XYLB: variants seen among roughly 807,000 people sequenced by gnomAD.
XYLB encodes the protein xylulokinase, also known as xylulose kinase.
Under a neutral mutation model 78.7 loss-of-function variants are expected in XYLB, and 62 were observed. The observed-to-expected ratio is 0.79, with a 90% confidence interval of 0.64 to 0.97. The LOEUF is 0.97. Among genes scored for constraint, XYLB ranks in the 50% least tolerant of loss-of-function variants. The pLI, the probability that XYLB is intolerant of heterozygous loss-of-function variation, is 0.00. For missense variants in XYLB, 687 were observed against 676.8 expected (o/e 1.02, Z -0.17); for synonymous variants, 245 against 247.4 (o/e 0.99, Z 0.09).
At chr3:38,366,041 G>A (rs565769156) in intron 6 of XYLB, among the ~76,000 whole-genome samples, 4 of 150,610 alleles carry the variant, frequency 2.7e-5, no homozygotes, top group Non-Finnish European at 5.9e-5. Flanking sequence ...CAGGACTTAC[G>A]TTTTGGGTAG....
Position 38,379,317 on chromosome 3 carries a change from C to T in XYLB, c.1266C>T (p.His422=), listed in dbSNP as rs761643272. Residue 422 remains histidine (H), a synonymous_variant, in exon 15 of 19, where the codon CAC becomes CAT. Transcript: ENST00000207870. ...GACAATTCATGGCCAAGAGGATTCA[C>T]GCAGAAGGCCTGGGCTATCGAGTCA... is the stretch of plus-strand genomic sequence containing the variant. The part of the protein sequence containing the change: ...IEGQFMAKRI[H]AEGLGYRVMS... 1.2e-5 allele frequency: 19 copies of T among 1,613,952 alleles called. No individual in the cohort carries two copies. Among genetic ancestry groups the T allele is most frequent in the Non-Finnish European group, 1.5e-5 (18 of 1,180,024 alleles).
Position 38,366,815 on chromosome 3 carries a change from C to T in XYLB, c.515C>T (p.Thr172Ile). The change falls in exon 7 of 19, where the codon ACA becomes ATA. Residue 172 changes from threonine to isoleucine, a missense_variant. Coordinates refer to ENST00000207870, the MANE Select transcript of XYLB (RefSeq NM_005108.4). ...TTTATATTCCTTTTCCAGCGTTTTA[C>T]AGGGAACCAAATTGCAAAAATTTAC... ...LTGSRAYERF[T>I]GNQIAKIYQQ... 2 of 1,612,268 alleles carry T rather than the reference C, an allele frequency of 1.2e-6. No individual in the cohort carries two copies. The highest frequency in any genetic ancestry group is 1.7e-6 in the Non-Finnish European group (2 of 1,178,350).
intron 2 of XYLB, among the ~76,000 whole-genome samples, chr3:38,348,930 T>TG (rs1409347522): frequency 5.3e-5 from 8 of 152,196 alleles, no homozygotes; most frequent in Non-Finnish European, 1.0e-4. Flanking sequence ...CACTGAGTAG[T>TG]GGAGACTGGT....
intron 1 of XYLB, 74 bp downstream of exon 1, chr3:38,346,999 C>T (rs1705098420): frequency 4.6e-6 from 6 of 1,311,094 alleles, no homozygotes; most frequent in African/African-American, 1.5e-5. Context: ...GGCTGTCACC[C>T]GGACGCGGGA....
intron 18 of XYLB, among the ~76,000 whole-genome samples, chr3:38,407,008 A>G (rs1206958506): frequency 1.3e-5 from 2 of 148,358 alleles, no homozygotes; most frequent in Non-Finnish European, 3.0e-5. Flanking sequence ...GCAGGCCAAC[A>G]TTCAGATTCA....
intron 18 of XYLB, among the ~76,000 whole-genome samples, chr3:38,412,346 C>CT (rs2125680735): frequency 6.6e-6 from 1 of 152,286 alleles, no homozygotes; most frequent in South Asian, 2.1e-4. Context: ...AAGAGACCCT[C>CT]TCCTGGACAG....
At chr3:38,367,460 CT>C (rs1269998389) in intron 7 of XYLB, among the ~76,000 whole-genome samples, 1 of 152,202 alleles carries the variant, frequency 6.6e-6, no homozygotes, top group Non-Finnish European at 1.5e-5. Context: ...ACCAAAGCAC[CT>C]TTTTAATCTT....
chr3:38,356,343 G>A (rs558329854), intron 2 of XYLB: 7 of 152,508 alleles, frequency 4.6e-5, no homozygotes, highest in Non-Finnish European at 7.3e-5. Context: ...ACAATTTGAT[G>A]GTTTTAGTAT....
downstream of XYLB, among the ~76,000 whole-genome samples, chr3:38,417,957 CGAGGTGGGTGGATCACCT>C: frequency 6.6e-6 from 1 of 150,770 alleles, no homozygotes; most frequent in South Asian, 2.1e-4. Context: ...TTTAGGAAAC[CGAGGTGGGTGGATCACCT>C]GAGGTCAGGA....
At chr3:38,386,314 A>G (rs970637441) in intron 15 of XYLB, among the ~76,000 whole-genome samples, 1 of 152,044 alleles carries the variant, frequency 6.6e-6, no homozygotes, top group South Asian at 2.1e-4. Flanking sequence ...CTGTTTGCCT[A>G]TTTAATGGCT....
At chr3:38,372,877 T>A (rs542661488) in intron 10 of XYLB, 141 bp downstream of exon 10, 1 of 931,730 alleles carries the variant, frequency 1.1e-6, no homozygotes, top group East Asian at 2.7e-5. Context: ...GTTTGAGAAT[T>A]CCAGTCCAGC....
intron 14 of XYLB, 28 bp downstream of exon 14, chr3:38,377,019 C>T (rs1361363251): frequency 6.3e-7 from 1 of 1,580,834 alleles, no homozygotes; most frequent in Non-Finnish European, 8.7e-7. Context: ...GTTGGAGTTA[C>T]ATTGGCTCCA....
rs1706735703 is a variant in XYLB at position 38,374,381 on chromosome 3, GC to G, written c.848-79del. 2.7e-5 allele frequency: 43 copies of G among 1,601,974 alleles called. 1 individual carries two copies. The South Asian group carries it at 4.0e-4, about 15-fold the overall frequency. ...TGGGGGTTGGAGGTGGGGGCTCTGCGCCTGCCTGGAGAGCCCTGTGGTTTGC... is the reference window on the plus strand; with the variant it reads ...TGGGGGTTGGAGGTGGGGGCTCTGCGCTGCCTGGAGAGCCCTGTGGTTTGC... On this transcript the variant is annotated intron_variant, in intron 10 of 18. Coordinates refer to ENST00000207870, the MANE Select transcript of XYLB (RefSeq NM_005108.4).
chr3:38,422,906 C>G (rs548239052), downstream of XYLB, among the ~76,000 whole-genome samples: 4 of 152,014 alleles, frequency 2.6e-5, no homozygotes, highest in African/African-American at 9.7e-5. Flanking sequence ...GTTAAGCCTC[C>G]GGAACCTATA....
intron 10 of XYLB, among the ~76,000 whole-genome samples, chr3:38,373,621 C>T (rs1368798485): frequency 6.6e-6 from 1 of 152,174 alleles, no homozygotes; most frequent in African/African-American, 2.4e-5. Flanking sequence ...TTGAGATTCA[C>T]ATTCGGTCTC....
intron 2 of XYLB, among the ~76,000 whole-genome samples, chr3:38,357,713 A>G (rs1373923084): frequency 1.3e-5 from 2 of 152,126 alleles, no homozygotes; most frequent in Admixed American, 1.3e-4. Flanking sequence ...CTGTCTTTTT[A>G]ATTACAGACG....
In XYLB at chr3:38,414,677, A is replaced by C. The variant is rs946976560; in HGVS notation, c.*1664A>C. 1 of 152,258 alleles carries C rather than the reference A, an allele frequency of 6.6e-6. No individual in the cohort carries two copies. The highest frequency in any genetic ancestry group is 1.9e-4 in the East Asian group (1 of 5,204). The allele number at this position is 152,258 out of a possible 1,614,324, so 9.4% of individuals were successfully genotyped here. On this transcript the variant is annotated 3_prime_UTR_variant, in exon 19 of 19. Coordinates refer to ENST00000207870, the MANE Select transcript of XYLB (RefSeq NM_005108.4). ...CTTGGGAAATAATTTGAACAAAAAG[A>C]TAAATCTTCACAGATATGAATACTA...
At chr3:38,384,644 T>G (rs190144796) in intron 15 of XYLB, among the ~76,000 whole-genome samples, 1 of 152,102 alleles carries the variant, frequency 6.6e-6, no homozygotes, top group Non-Finnish European at 1.5e-5. Flanking sequence ...AACAGAAATA[T>G]GGAATAAGAA....
chr3:38,347,106 C>T (rs1270616562), intron 1 of XYLB, among the ~76,000 whole-genome samples, 181 bp downstream of exon 1: 1 of 152,164 alleles, frequency 6.6e-6, no homozygotes, highest in East Asian at 1.9e-4. Context: ...GGTGCCCTCG[C>T]CCGGAGATGC....
Sources: gnomAD v4.1 joint callset for allele counts (sites outside exome capture counted in the v4.1 genomes callset) on GRCh38, gnomAD v4.1.1 for gene constraint, MANE v1.5 for transcripts, NCBI Gene and HGNC (gene_info 2026-07-23, HGNC 2026-07-21) for gene names.